MLIP: variants seen among roughly 807,000 people sequenced by gnomAD.
The protein encoded by MLIP is muscular LMNA interacting protein.
MLIP carries 79 observed loss-of-function variants against 84.8 expected under a neutral mutation model. That is an observed-to-expected ratio of 0.93 (90% CI 0.78 to 1.12). The LOEUF (loss-of-function observed/expected upper bound fraction) is 1.12. Ranked by LOEUF, MLIP falls within the 50% of genes most tolerant of loss-of-function variation. The pLI is 0.00. For synonymous variants in MLIP, 504 were observed against 463.0 expected, an observed-to-expected ratio of 1.09 and a Z score of -1.14; for missense variants, 1,257 against 1,160.6, an observed-to-expected ratio of 1.08 and a Z score of -1.21.
intron 1 of MLIP, chr6:54,029,052 A>T (rs1763978411): frequency 1.3e-5 from 2 of 152,162 alleles, no homozygotes; most frequent in African/African-American, 4.8e-5. Flanking sequence ...GTGTCCAGAG[A>T]AGAATATAAA....
chr6:54,051,486 T>C (rs1315486008), intron 1 of MLIP, among the ~76,000 whole-genome samples: 2 of 152,134 alleles, frequency 1.3e-5, no homozygotes, highest in Non-Finnish European at 2.9e-5. Context: ...AACCCAAACG[T>C]ACAAAACTCC....
At chr6:54,127,901 A>G (rs1277963445) in intron 3 of MLIP, among the ~76,000 whole-genome samples, 1 of 152,306 alleles carries the variant, frequency 6.6e-6, no homozygotes, top group East Asian at 1.9e-4. Flanking sequence ...TGTTCATGTA[A>G]AAGTCTAAGA....
intron 1 of MLIP, among the ~76,000 whole-genome samples, chr6:54,111,861 C>T (rs1484914646): frequency 6.6e-6 from 1 of 152,042 alleles, no homozygotes; most frequent in African/African-American, 2.4e-5. Flanking sequence ...GTGTGGGTGT[C>T]AACATCTGAA....
intron 1 of MLIP, among the ~76,000 whole-genome samples, chr6:54,031,998 C>A (rs1342988530): frequency 6.6e-6 from 1 of 152,156 alleles, no homozygotes; most frequent in Non-Finnish European, 1.5e-5. Context: ...AGGAGAATGG[C>A]AGTCTCCCGT....
chr6:54,184,994 G>C (rs780458316), intron 9 of MLIP, among the ~76,000 whole-genome samples: 1 of 152,070 alleles, frequency 6.6e-6, no homozygotes, highest in Non-Finnish European at 1.5e-5. Context: ...TTTATTTTTA[G>C]GTACTTCAAG....
chr6:54,040,420 T>C (rs1429946742), intron 1 of MLIP, among the ~76,000 whole-genome samples: 1 of 151,868 alleles, frequency 6.6e-6, no homozygotes, highest in Non-Finnish European at 1.5e-5. Context: ...AAATAACAGA[T>C]GTTGGCAAGG....
chr6:54,253,145 C>T (rs1266659230), intron 12 of MLIP, among the ~76,000 whole-genome samples: 2 of 152,110 alleles, frequency 1.3e-5, no homozygotes, highest in African/African-American at 4.8e-5. Flanking sequence ...CTTCCAATGG[C>T]ATCTAGTCTT....
chr6:54,085,669 T>C (rs1311072208), intron 1 of MLIP, among the ~76,000 whole-genome samples: 2 of 152,212 alleles, frequency 1.3e-5, no homozygotes, highest in Non-Finnish European at 2.9e-5. Flanking sequence ...AGCTGCAGTG[T>C]CCTGTTAGAA....
chr6:54,160,327 A>G, intron 5 of MLIP, 40 bp from the exon 6 acceptor site: 2 of 1,532,392 alleles, frequency 1.3e-6, no homozygotes, highest in Non-Finnish European at 1.8e-6. Flanking sequence ...CAGTTGTATG[A>G]CTAGAAGCCT....
chr6:54,202,019 A>G, intron 10 of MLIP, 86 bp from the exon 11 acceptor site: 1 of 973,610 alleles, frequency 1.0e-6, no homozygotes, highest in Middle Eastern at 3.2e-4. Context: ...TGAGAACAGC[A>G]TTGAATGACT....
chr6:54,170,181 G>A (rs1775630253), intron 9 of MLIP, among the ~76,000 whole-genome samples: 2 of 151,762 alleles, frequency 1.3e-5, no homozygotes, highest in South Asian at 4.1e-4. Flanking sequence ...CCATCATGTG[G>A]TCAACTTCTG....
intron 4 of MLIP, among the ~76,000 whole-genome samples, chr6:54,142,392 T>G (rs1234998003): frequency 2.0e-5 from 3 of 152,152 alleles, no homozygotes; most frequent in African/African-American, 7.2e-5. Context: ...AGAGAAGGGA[T>G]GGTGTCACAA....
chr6:54,207,987 G>A (rs1165067371), intron 11 of MLIP, among the ~76,000 whole-genome samples: 2 of 152,130 alleles, frequency 1.3e-5, no homozygotes, highest in Non-Finnish European at 2.9e-5. Context: ...AATCAGCAGG[G>A]TGTGGTGGCG....
intron 3 of MLIP, among the ~76,000 whole-genome samples, chr6:54,133,128 T>C (rs1002555928): frequency 6.6e-5 from 10 of 152,094 alleles, no homozygotes; most frequent in African/African-American, 2.4e-4. Context: ...TGAGACTGGA[T>C]AGCAAGAGAG....
chr6:54,257,216 A>T, intron 12 of MLIP, 92 bp from the exon 13 acceptor site: 1 of 852,318 alleles, frequency 1.2e-6, no homozygotes, highest in Non-Finnish European at 1.9e-6. Context: ...TAAAATATTT[A>T]TGTCATTGTC....
rs887430521 is a variant in MLIP at position 54,118,464 on chromosome 6, G to C, written c.97-2983G>C. Among the ~76,000 whole-genome samples the C allele has an allele frequency of 9.2e-5, 14 of 152,150 alleles. No individual in the cohort carries two copies. The East Asian group carries it at 2.7e-3, about 29-fold the overall frequency. ...CTTCAATAAGTGGTATTGGGAAAAT[G>C]GGTTTCCACATGCAGAAGAATGAAA... is the stretch of plus-strand genomic sequence containing the variant. On this transcript the variant is annotated intron_variant, in intron 1 of 13. Transcript: ENST00000502396.
intron 1 of MLIP, among the ~76,000 whole-genome samples, chr6:54,088,250 G>C (rs965322160): frequency 1.2e-4 from 19 of 152,166 alleles, no homozygotes; most frequent in African/African-American, 4.3e-4. Context: ...TCAGATGCTG[G>C]AGGTTCAGGG....
At chr6:54,233,773 C>T (rs556042622) in intron 12 of MLIP, among the ~76,000 whole-genome samples, 1 of 152,304 alleles carries the variant, frequency 6.6e-6, no homozygotes, top group South Asian at 2.1e-4. Flanking sequence ...AATAGCCTTA[C>T]TGTCTTCCAC....
chr6:54,259,551 G>A lies in MLIP; in HGVS notation c.2976+2190G>A, dbSNP rs1283393856. On this transcript the variant is annotated intron_variant, in intron 13 of 13. Coordinates refer to ENST00000502396, the MANE Select transcript of MLIP (RefSeq NM_001281747.2). ...AAGACTTTGTGAGCCAAAGAGAATG[G>A]TATAGATGTAGTACTTGCATTTTTT... is the stretch of plus-strand genomic sequence containing the variant. Among the ~76,000 whole-genome samples the A allele has an allele frequency of 3.3e-5, 5 of 151,836 alleles. No homozygotes were observed. The East Asian group carries it at 9.7e-4, about 29-fold the overall frequency.
Sources: gnomAD v4.1 joint callset for allele counts (sites outside exome capture counted in the v4.1 genomes callset) on GRCh38, gnomAD v4.1.1 for gene constraint, MANE v1.5 for transcripts, NCBI Gene and HGNC (gene_info 2026-07-23, HGNC 2026-07-21) for gene names.